Variants in UNC80 observed in about 807,000 individuals in gnomAD.
The protein encoded by UNC80 is unc-80 subunit of NALCN channel complex, also known as protein unc-80 homolog.
UNC80 carries 164 observed loss-of-function variants against 384.6 expected under a neutral mutation model. The ratio of observed to expected loss-of-function variants is 0.43; its 90% CI spans 0.38 to 0.49. The LOEUF (loss-of-function observed/expected upper bound fraction) is 0.49, where lower values mean the gene tolerates loss of function less well. UNC80 is among the 20% of genes least tolerant of loss of function. The pLI, the probability that UNC80 is intolerant of heterozygous loss-of-function variation, is 0.00. For missense variants in UNC80, 3,330 were observed against 4,143.0 expected, an observed-to-expected ratio of 0.80 and a Z score of 5.39; for synonymous variants, 1,486 against 1,527.8, an observed-to-expected ratio of 0.97 and a Z score of 0.64.
chr2:209,986,597 A>G (rs2093294169), intron 61 of UNC80, among the ~76,000 whole-genome samples: 1 of 152,132 alleles, frequency 6.6e-6, no homozygotes, highest in Admixed American at 6.5e-5. Flanking sequence ...TAGTACTTTG[A>G]TGACTGTCTT....
In UNC80 at chr2:209,917,785, T is replaced by G; in HGVS notation, c.5038T>G (p.Phe1680Val). The G allele has an allele frequency of 1.9e-6, 3 of 1,552,090 alleles. No homozygotes were observed. The highest frequency in any genetic ancestry group is 2.6e-6 in the Non-Finnish European group (3 of 1,147,054). The part of the protein sequence containing the change: ...EHMAGAAAAM[F>V]LLCAVKVPEA... ...TTGTTGACTGTCTCTAGCTGCCATG[T>G]TCCTGCTGTGTGCAGTGAAGGTGCC... Residue 1680 changes from phenylalanine to valine, a missense_variant, in exon 32 of 65, where the codon TTC (phenylalanine) becomes GTC (valine). By Grantham distance (50) the Phe-to-Val change is conservative. Around this residue, in one of 8 missense-constraint regions of UNC80, gnomAD observed 801 missense variants for 950.8 expected, o/e 0.84. Transcript: ENST00000673920.
intron 1 of UNC80, 24 bp from the exon 2 acceptor site, chr2:209,773,070 C>A: frequency 6.3e-7 from 1 of 1,584,032 alleles, no homozygotes; most frequent in Non-Finnish European, 8.7e-7. Context: ...TGTTTATTAA[C>A]AAATATCTCT....
At chr2:209,840,334 CT>C (rs1475704513) in intron 19 of UNC80, among the ~76,000 whole-genome samples, 1 of 152,186 alleles carries the variant, frequency 6.6e-6, no homozygotes, top group African/African-American at 2.4e-5. Flanking sequence ...AACCCAGATT[CT>C]TTTCGTCTTG....
intron 13 of UNC80, among the ~76,000 whole-genome samples, 185 bp from the exon 14 acceptor site, chr2:209,825,722 A>T (rs1280410885): frequency 6.6e-6 from 1 of 152,110 alleles, no homozygotes; most frequent in Non-Finnish European, 1.5e-5. Context: ...TTTTCTTTTA[A>T]ATCATAGACT....
chr2:209,909,035 T>C (rs898217042), intron 29 of UNC80, among the ~76,000 whole-genome samples: 5 of 152,316 alleles, frequency 3.3e-5, no homozygotes, highest in Admixed American at 2.6e-4. Context: ...TATAAATACC[T>C]TGTTATTTCC....
intron 22 of UNC80, among the ~76,000 whole-genome samples, chr2:209,860,308 T>C (rs769840855): frequency 2.0e-4 from 31 of 152,208 alleles, no homozygotes; most frequent in Non-Finnish European, 2.2e-4. Flanking sequence ...ATCGCTTGTT[T>C]TTGGCAGGTT....
chr2:209,801,409 A>T (rs1233228334), intron 7 of UNC80, among the ~76,000 whole-genome samples: 3 of 108,876 alleles, frequency 2.8e-5, no homozygotes, highest in Admixed American at 1.4e-4. Flanking sequence ...TTTTGACGGA[A>T]TCTTCCTCTG....
At chr2:209,783,473 T>G (rs761354621) in intron 4 of UNC80, among the ~76,000 whole-genome samples, 4 of 152,120 alleles carry the variant, frequency 2.6e-5, no homozygotes, top group Non-Finnish European at 5.9e-5. Flanking sequence ...TTGGATTTAT[T>G]TGGAGAAGGT....
intron 5 of UNC80, among the ~76,000 whole-genome samples, chr2:209,788,215 G>A (rs897938076): frequency 1.3e-5 from 2 of 152,120 alleles, no homozygotes; most frequent in African/African-American, 4.8e-5. Flanking sequence ...TCAGGAGTTA[G>A]AGACCAGCCT....
intron 25 of UNC80, among the ~76,000 whole-genome samples, 152 bp downstream of exon 25, chr2:209,881,246 G>A (rs1023861956): frequency 6.6e-6 from 1 of 152,134 alleles, no homozygotes; most frequent in Non-Finnish European, 1.5e-5. Flanking sequence ...AACATAAAAA[G>A]AAATGCTCTT....
rs1431042775 is a variant in UNC80, at chr2:209,813,657, T to C, written c.1016T>C (p.Leu339Pro). Residue 339 changes from leucine to proline, a missense_variant, in exon 8 of 65, where the codon CTT (leucine) becomes CCT (proline). Physicochemically the swap from Leu to Pro is moderately conservative, Grantham distance 98. Transcript: ENST00000673920. Reference sequence around the variant, plus strand: ...GACGTTGCTGTTCTGCGCTGCCTACTTCAGCCCCATTGGTCTGAGGAAGGC... The same window carrying C: ...GACGTTGCTGTTCTGCGCTGCCTACCTCAGCCCCATTGGTCTGAGGAAGGC... ...YFDVAVLRCLLQPHWSEEGTQ... is the reference protein window; with the variant it reads ...YFDVAVLRCLPQPHWSEEGTQ... 3.2e-6 allele frequency: 5 copies of C among 1,551,778 alleles called. No individual in the cohort carries two copies. Among genetic ancestry groups the C allele is most frequent in the Non-Finnish European group, 4.4e-6 (5 of 1,147,010 alleles).
At chr2:209,774,803 T>G (rs1210989988) in intron 2 of UNC80, among the ~76,000 whole-genome samples, 1 of 152,184 alleles carries the variant, frequency 6.6e-6, no homozygotes, top group Non-Finnish European at 1.5e-5. Context: ...CTCATTATGC[T>G]CTTTACCAAA....
intron 25 of UNC80, among the ~76,000 whole-genome samples, chr2:209,884,534 T>C (rs1004744631): frequency 6.6e-6 from 1 of 152,178 alleles, no homozygotes; most frequent in African/African-American, 2.4e-5. Context: ...CCTTACACCT[T>C]ATACAAAAAT....
chr2:209,885,418 A>G (rs1197969404), intron 25 of UNC80, among the ~76,000 whole-genome samples: 2 of 152,174 alleles, frequency 1.3e-5, no homozygotes. Flanking sequence ...TTGAAAGACT[A>G]CGTAGGATTT....
intron 51 of UNC80, among the ~76,000 whole-genome samples, chr2:209,963,138 T>C (rs2092645216): frequency 6.6e-6 from 1 of 152,244 alleles, no homozygotes; most frequent in Non-Finnish European, 1.5e-5. Context: ...TACAGAAATG[T>C]ATTGCTTCAT....
intron 31 of UNC80, 117 bp downstream of exon 31, chr2:209,914,057 T>C: frequency 1.6e-6 from 2 of 1,246,652 alleles, no homozygotes; most frequent in South Asian, 1.6e-5. Context: ...TTAATGGCAA[T>C]TGCTATAACT....
At chr2:209,970,600 CA>C (rs1194412592) in intron 53 of UNC80, among the ~76,000 whole-genome samples, 1 of 152,192 alleles carries the variant, frequency 6.6e-6, no homozygotes, top group Non-Finnish European at 1.5e-5. Flanking sequence ...TCATTATTTA[CA>C]TAGTTAACTA....
chr2:209,939,746 A>G, intron 43 of UNC80, 94 bp downstream of exon 43: 1 of 1,193,490 alleles, frequency 8.4e-7, no homozygotes, highest in Non-Finnish European at 1.1e-6. Context: ...TTTAAGTTTT[A>G]GGGTACATGT....
In UNC80 at chr2:209,820,644, G is replaced by A. The variant is rs376646878; in HGVS notation, c.2296G>A (p.Gly766Ser). ...DGGGGGGGGG[G>S]PYEKNDKNQE... ...AGGAGGAGGTGGAGGAGGTGGAGGC[G>A]GCCCTTATGAGAAGAATGATAAGAA... is the stretch of plus-strand genomic sequence containing the variant. The change falls in exon 13 of 65, where the codon GGC (glycine) becomes AGC (serine). Residue 766 changes from glycine (G) to serine (S), a missense_variant. Gly to Ser is a moderately conservative substitution (Grantham distance 56, BLOSUM62 0). This residue lies in a region of UNC80 where 937 missense variants were observed against 1,026.8 expected (regional missense o/e 0.91). Transcript: ENST00000673920. 37 of 1,546,938 alleles carry A rather than the reference G, an allele frequency of 2.4e-5. No individual in the cohort carries two copies. Among genetic ancestry groups the A allele is most frequent in the South Asian group, 4.8e-5 (4 of 83,060 alleles).
Sources: gnomAD v4.1 joint callset for allele counts (sites outside exome capture counted in the v4.1 genomes callset) on GRCh38, gnomAD v4.1.1 for gene constraint, gnomAD v4.1.1 regional missense constraint, MANE v1.5 for transcripts, NCBI Gene and HGNC (gene_info 2026-07-23, HGNC 2026-07-21) for gene names.